The following IL17RD variants were observed in gnomAD, a reference collection of about 807,000 sequenced individuals.
The protein encoded by IL17RD is interleukin 17 receptor D, also known as interleukin-17 receptor D.
In IL17RD, 52 loss-of-function variants were observed where a neutral mutation model predicts 80.5. The ratio of observed to expected loss-of-function variants is 0.65; its 90% CI spans 0.52 to 0.81. The LOEUF (loss-of-function observed/expected upper bound fraction) is 0.81, where lower values mean the gene tolerates loss of function less well. IL17RD is among the 40% of genes least tolerant of loss of function. IL17RD has a pLI of 0.00. For missense variants in IL17RD, 1,024 were observed against 955.1 expected, an observed-to-expected ratio of 1.07 and a Z score of -0.95; for synonymous variants, 416 against 391.8, an observed-to-expected ratio of 1.06 and a Z score of -0.73.
At chr3:57,132,715 T>G (rs1442928515) in intron 1 of IL17RD, among the ~76,000 whole-genome samples, 5 of 152,198 alleles carry the variant, frequency 3.3e-5, no homozygotes, top group Admixed American at 3.3e-4. Context: ...CAGAGGTATC[T>G]AGCACCTTTC....
At chr3:57,126,122 C>T (rs1351663410) in intron 1 of IL17RD, among the ~76,000 whole-genome samples, 4 of 152,160 alleles carry the variant, frequency 2.6e-5, no homozygotes, top group African/African-American at 7.2e-5. Flanking sequence ...AATGAGCTGA[C>T]GATTAAAAAT....
rs1313211080 is a variant in IL17RD at position 57,104,373 on chromosome 3, T to C, written c.782A>G (p.Gln261Arg). The change falls in exon 8 of 13, where the codon CAA becomes CGA. Residue 261 changes from glutamine to arginine, a missense_variant. Gln to Arg is a conservative substitution (Grantham distance 43, BLOSUM62 1). Coordinates refer to ENST00000296318, the MANE Select transcript of IL17RD (RefSeq NM_017563.5). The stretch of plus-strand genomic sequence containing the variant: ...TATATAATCCCCTGGAGAAACATTT[T>C]GAAGGAGGCAGCTGGTCGTCTCTGT... ...QTTETTSCLL[Q>R]NVSPGDYIIE... The C allele has an allele frequency of 2.5e-6, 4 of 1,610,404 alleles. No individual in the cohort carries two copies. The highest frequency in any genetic ancestry group is 3.4e-6 in the Non-Finnish European group (4 of 1,177,314).
At chr3:57,099,123 C>T (rs994629799) in intron 11 of IL17RD, among the ~76,000 whole-genome samples, 2 of 152,222 alleles carry the variant, frequency 1.3e-5, no homozygotes, top group Non-Finnish European at 2.9e-5. Context: ...ACTCTCATAG[C>T]CTCAGGCTCA....
At chr3:57,109,515 A>C (rs368180442) in intron 5 of IL17RD, 22 bp downstream of exon 5, 25 of 1,604,332 alleles carry the variant, frequency 1.6e-5, no homozygotes, top group Non-Finnish European at 2.0e-5. Context: ...CATGGGAACC[A>C]GGCAGGAAAG....
chr3:57,104,047 T>A (rs552945379), intron 8 of IL17RD, among the ~76,000 whole-genome samples: 1 of 152,252 alleles, frequency 6.6e-6, no homozygotes, highest in African/African-American at 2.4e-5. Context: ...ACAAAAAAAA[T>A]TTAAGCTAAA....
intron 2 of IL17RD, among the ~76,000 whole-genome samples, chr3:57,119,535 G>C (rs1334300729): frequency 6.6e-6 from 1 of 151,868 alleles, no homozygotes; most frequent in Non-Finnish European, 1.5e-5. Flanking sequence ...TCTCAAAAAA[G>C]AAAAAGAAAA....
intron 1 of IL17RD, among the ~76,000 whole-genome samples, chr3:57,161,230 A>G (rs971994186): frequency 2.0e-5 from 3 of 152,268 alleles, no homozygotes; most frequent in African/African-American, 7.2e-5. Flanking sequence ...CATCTGTAAC[A>G]TGGACAACAT....
In IL17RD at chr3:57,100,950, G is replaced by C. The variant is rs1706813141; in HGVS notation, c.1164+229C>G. Among the ~76,000 whole-genome samples, 3 of 152,182 alleles carry C rather than the reference G, an allele frequency of 2.0e-5. No homozygotes were observed. The South Asian group carries it at 6.2e-4, about 32-fold the overall frequency. ...CAGGTGGGTGCCACTCAAAGCTTTA[G>C]AGCAGGAGTTTGTCAGAGTTAGAAC... is the stretch of plus-strand genomic sequence containing the variant. On this transcript the variant is annotated intron_variant, in intron 11 of 12. Transcript: ENST00000296318.
intron 1 of IL17RD, among the ~76,000 whole-genome samples, chr3:57,162,875 T>C (rs2060315052): frequency 6.6e-6 from 1 of 152,098 alleles, no homozygotes; most frequent in Non-Finnish European, 1.5e-5. Flanking sequence ...TGCAAGGACC[T>C]GCATGAGAAG....
chr3:57,131,540 T>G lies in IL17RD; in HGVS notation c.127-11227A>C, dbSNP rs144598131. On this transcript the variant is annotated intron_variant, in intron 1 of 12. Transcript: ENST00000296318. ...GCAAGGACTTTGAAGGTTTGAGTGA[T>G]ATCCTGAGGCCTTCAGAAAAACACT... 7.9e-5 allele frequency among the ~76,000 whole-genome samples: 12 copies of G among 152,320 alleles called. No homozygotes were observed. The East Asian group carries it at 1.9e-3, about 25-fold the overall frequency.
upstream of IL17RD, chr3:57,169,381 T>A: frequency 2.7e-6 from 1 of 364,066 alleles, no homozygotes; most frequent in South Asian, 2.0e-5. Context: ...CACCTCCCCC[T>A]CTTTGGAACA....
intron 1 of IL17RD, among the ~76,000 whole-genome samples, chr3:57,128,543 T>C (rs1404151294): frequency 6.6e-6 from 1 of 150,528 alleles, no homozygotes; most frequent in East Asian, 2.3e-4. Context: ...TCCACCCACT[T>C]TGCCCCCCGA....
chr3:57,158,568 T>C (rs2060283752), intron 1 of IL17RD, among the ~76,000 whole-genome samples: 1 of 152,178 alleles, frequency 6.6e-6, no homozygotes, highest in Non-Finnish European at 1.5e-5. Flanking sequence ...CCCCTTTAAA[T>C]GTTGTAGCCT....
rs750222097 is a variant in IL17RD, at chr3:57,165,294, C to T, written c.-8G>A. On this transcript the variant is annotated 5_prime_UTR_variant, in exon 1 of 13. Coordinates refer to ENST00000296318, the MANE Select transcript of IL17RD (RefSeq NM_017563.5). ...CTGCAGCCACGGGGCCATGGCCGTG[C>T]GCTCGCCCAGCCAGGCCGTTCTCTG... The T allele has an allele frequency of 2.2e-5, 32 of 1,451,290 alleles. 1 individual carries two copies. The Middle Eastern group carries it at 5.9e-4, about 27-fold the overall frequency. 89.9% of individuals were successfully genotyped at this position (1,451,290 alleles called of 1,614,324 possible). A position where few individuals can be genotyped will look rare whatever the true frequency, so the allele number is the denominator to read the frequency against.
chr3:57,098,119 G>A lies in IL17RD; in HGVS notation c.1584C>T (p.Gly528=). 6.2e-7 allele frequency: 1 copy of A among 1,613,948 alleles called. No individual in the cohort carries two copies. Among genetic ancestry groups the A allele is most frequent in the Non-Finnish European group, 8.5e-7 (1 of 1,179,886 alleles). The change falls in exon 12 of 13, where the codon GGC becomes GGT. Residue 528 remains glycine, a synonymous_variant. Coordinates refer to ENST00000296318, the MANE Select transcript of IL17RD (RefSeq NM_017563.5). ...TGCTCCGGAAGTAGTTCCTTCTGCTGCCCTGTCGCGTGTGCTGCCCCGGCT... is the reference window on the plus strand; with the variant it reads ...TGCTCCGGAAGTAGTTCCTTCTGCTACCCTGTCGCGTGTGCTGCCCCGGCT... ...LQEPGQHTRQ[G]SRRNYFRSKS...
chr3:57,108,631 G>A (rs6776722), intron 5 of IL17RD, among the ~76,000 whole-genome samples: 92,875 of 148,362 alleles, frequency 0.63, 29,872 homozygotes, highest in Non-Finnish European at 0.7. Context: ...TTTTCCTGTC[G>A]CAGCCTCCTG....
rs747120021 is a variant in IL17RD at position 57,097,813 on chromosome 3, G to A, written c.1890C>T (p.Asp630=). ...CGTCAAGGGCAGGCCGGGCCTCCCC[G>A]TCTTGGTCCAGGCCCCCATGCTGAC... The part of the protein sequence containing the change: ...HESQHGGLDQ[D]GEARPALDGS... The change falls in exon 12 of 13, where the codon GAC becomes GAT. Residue 630 remains aspartate, a synonymous_variant. Coordinates refer to ENST00000296318, the MANE Select transcript of IL17RD (RefSeq NM_017563.5). 14 of 1,608,268 alleles carry A rather than the reference G, an allele frequency of 8.7e-6. No individual in the cohort carries two copies. The highest frequency in any genetic ancestry group is 2.7e-5 in the African/African-American group (2 of 74,796).
chr3:57,105,080 C>A (rs1415578970), intron 7 of IL17RD, among the ~76,000 whole-genome samples: 2 of 152,182 alleles, frequency 1.3e-5, no homozygotes, highest in Non-Finnish European at 2.9e-5. Context: ...TTTCCACTTA[C>A]TAGCTGTGCG....
intron 1 of IL17RD, among the ~76,000 whole-genome samples, chr3:57,155,113 C>T (rs2060258807): frequency 6.6e-6 from 1 of 152,190 alleles, no homozygotes; most frequent in South Asian, 2.1e-4. Flanking sequence ...TATGGACAGA[C>T]CTTCAAGTGG....
Sources: allele counts gnomAD v4.1 joint callset (sites outside exome capture counted in the v4.1 genomes callset), GRCh38; gene constraint gnomAD v4.1.1; transcripts MANE v1.5; gene names NCBI Gene and HGNC (gene_info 2026-07-23, HGNC 2026-07-21).